Variants in PALM2AKAP2 observed in about 807,000 individuals in gnomAD.
PALM2AKAP2 encodes the protein PALM2-AKAP2 fusion protein.
A neutral mutation model predicts 71.5 loss-of-function variants in PALM2AKAP2; 37 were observed. The ratio of observed to expected loss-of-function variants is 0.52; its 90% CI spans 0.40 to 0.68. The LOEUF (loss-of-function observed/expected upper bound fraction) is 0.68. Ranked by LOEUF, PALM2AKAP2 falls within the 30% of genes least tolerant of loss-of-function variation. The pLI is 0.00. For missense variants in PALM2AKAP2, 1,224 were observed against 1,191.8 expected, an observed-to-expected ratio of 1.03 and a Z score of -0.40; for synonymous variants, 468 against 478.8, an observed-to-expected ratio of 0.98 and a Z score of 0.29.
chr9:110,058,128 C>T (rs1833885647), intron 1 of PALM2AKAP2, among the ~76,000 whole-genome samples: 1 of 152,162 alleles, frequency 6.6e-6, no homozygotes, highest in South Asian at 2.1e-4. Flanking sequence ...GTCTAATTGT[C>T]TAGATGTAGA....
At chr9:109,959,615 A>G (rs1370519515) in intron 6 of PALM2AKAP2, among the ~76,000 whole-genome samples, 2 of 148,868 alleles carry the variant, frequency 1.3e-5, no homozygotes, top group East Asian at 2.0e-4. Context: ...ACTGCACTCC[A>G]GCCTGGGTGA....
chr9:109,881,218 T>C (rs1166333788), intron 3 of PALM2AKAP2, among the ~76,000 whole-genome samples: 1 of 152,224 alleles, frequency 6.6e-6, no homozygotes, highest in Non-Finnish European at 1.5e-5. Context: ...CATGATCTCA[T>C]CCTTTTTTGT....
chr9:110,133,830 T>G (rs1161711374), intron 1 of PALM2AKAP2, among the ~76,000 whole-genome samples: 1 of 152,188 alleles, frequency 6.6e-6, no homozygotes. Context: ...GTCTTCTTAT[T>G]TCAATAATAA....
intron 1 of PALM2AKAP2, among the ~76,000 whole-genome samples, chr9:109,697,895 A>AT (rs975984519): frequency 1.3e-5 from 2 of 152,176 alleles, no homozygotes; most frequent in African/African-American, 4.8e-5. Flanking sequence ...ATTACCATTC[A>AT]TTTTACCGCA....
At chr9:109,777,886 C>A (rs546636746), upstream of PALM2AKAP2, among the ~76,000 whole-genome samples, 18 of 152,208 alleles carry the variant, frequency 1.2e-4, no homozygotes, top group Non-Finnish European at 2.4e-4. Flanking sequence ...GTTCTCATTT[C>A]TTTAGCTGTA....
chr9:109,697,461 A>C (rs1445867184), intron 1 of PALM2AKAP2, among the ~76,000 whole-genome samples: 2 of 152,196 alleles, frequency 1.3e-5, no homozygotes, highest in Non-Finnish European at 2.9e-5. Context: ...CTACCTTTTA[A>C]ATATTCTACT....
intron 1 of PALM2AKAP2, among the ~76,000 whole-genome samples, chr9:109,757,265 A>G (rs775858236): frequency 2.0e-5 from 3 of 152,146 alleles, no homozygotes; most frequent in Non-Finnish European, 2.9e-5. Flanking sequence ...AATAACCTCC[A>G]GTTCCATCAC....
intron 6 of PALM2AKAP2, among the ~76,000 whole-genome samples, chr9:110,009,815 G>A (rs1237747158): frequency 6.6e-6 from 1 of 151,924 alleles, no homozygotes; most frequent in Non-Finnish European, 1.5e-5. Context: ...TCTCCCTGCA[G>A]ATCCTCATGT....
At chr9:109,703,527 CA>C (rs747348869) in intron 1 of PALM2AKAP2, among the ~76,000 whole-genome samples, 6 of 151,942 alleles carry the variant, frequency 3.9e-5, no homozygotes, top group Non-Finnish European at 4.4e-5. Flanking sequence ...GCAAGTTTCA[CA>C]AGTATGTACT....
chr9:109,838,889 A>G (rs1003854741), intron 1 of PALM2AKAP2, among the ~76,000 whole-genome samples: 1 of 152,222 alleles, frequency 6.6e-6, no homozygotes, highest in Non-Finnish European at 1.5e-5. Context: ...TAAGGCAATA[A>G]TTAATAGCCT....
At chr9:109,912,887 G>A (rs891401548) in intron 3 of PALM2AKAP2, among the ~76,000 whole-genome samples, 15 of 152,310 alleles carry the variant, frequency 9.8e-5, no homozygotes, top group African/African-American at 3.4e-4. Flanking sequence ...ATTCACCCCC[G>A]ATTAGTTTTT....
chr9:109,854,366 C>T (rs1263131395), intron 1 of PALM2AKAP2, among the ~76,000 whole-genome samples: 1 of 152,226 alleles, frequency 6.6e-6, no homozygotes, highest in Non-Finnish European at 1.5e-5. Context: ...GCAAGGGTTC[C>T]TATTCCGAGC....
chr9:109,666,862 G>A (rs1268479703), intron 1 of PALM2AKAP2, among the ~76,000 whole-genome samples: 1 of 152,222 alleles, frequency 6.6e-6, no homozygotes, highest in Non-Finnish European at 1.5e-5. Flanking sequence ...CAGGAACAAA[G>A]CAGTTAGATG....
intron 1 of PALM2AKAP2, among the ~76,000 whole-genome samples, chr9:109,728,076 A>G (rs1352049686): frequency 6.6e-6 from 1 of 152,230 alleles, no homozygotes; most frequent in African/African-American, 2.4e-5. Context: ...CCAGATTAAA[A>G]TGTTAAGCTG....
At chr9:110,110,576 T>G in intron 1 of PALM2AKAP2, among the ~76,000 whole-genome samples, 1 of 131,102 alleles carries the variant, frequency 7.6e-6, no homozygotes, top group African/African-American at 3.0e-5. Flanking sequence ...TGAGATGGAG[T>G]CTCACTATCA....
chr9:110,068,538 AT>A (rs1391283152), intron 1 of PALM2AKAP2, among the ~76,000 whole-genome samples: 12 of 142,378 alleles, frequency 8.4e-5, no homozygotes, highest in Non-Finnish European at 1.7e-4. Flanking sequence ...AAAAAATTTA[AT>A]TTTTTTTTGA....
chr9:110,132,106 C>T (rs1342555304), intron 1 of PALM2AKAP2, among the ~76,000 whole-genome samples: 2 of 151,400 alleles, frequency 1.3e-5, no homozygotes, highest in Admixed American at 1.3e-4. Flanking sequence ...GGCTGGAGTG[C>T]CGTGGCATGA....
At chr9:110,106,983 T>TA (rs1835135870) in intron 1 of PALM2AKAP2, among the ~76,000 whole-genome samples, 1 of 152,174 alleles carries the variant, frequency 6.6e-6, no homozygotes, top group Admixed American at 6.5e-5. Context: ...AGTCATCAAT[T>TA]AGCCCGATGG....
chr9:109,840,684 A>G (rs1050992436), intron 1 of PALM2AKAP2, among the ~76,000 whole-genome samples: 1 of 152,224 alleles, frequency 6.6e-6, no homozygotes, highest in Non-Finnish European at 1.5e-5. Context: ...AAAAACAAAC[A>G]ACCCAATCAA....
Sources: gnomAD v4.1 joint callset for allele counts (sites outside exome capture counted in the v4.1 genomes callset) on GRCh38, gnomAD v4.1.1 for gene constraint, MANE v1.5 for transcripts, NCBI Gene and HGNC (gene_info 2026-07-23, HGNC 2026-07-21) for gene names.